PVT1: variants seen among roughly 807,000 people sequenced by gnomAD.
The protein encoded by PVT1 is Pvt1 oncogene.
At chr8:128,026,600 C>T (rs1646583230) in intron 4 of PVT1, among the ~76,000 whole-genome samples, 1 of 152,158 alleles carries the variant, frequency 6.6e-6, no homozygotes, top group South Asian at 2.1e-4. Context: ...CATTGGCTTA[C>T]GACCGAGATC....
At chr8:127,836,858 C>T (rs191970063) in intron 2 of PVT1, among the ~76,000 whole-genome samples, 1 of 152,218 alleles carries the variant, frequency 6.6e-6, no homozygotes, top group East Asian at 1.9e-4. Context: ...TGCACTGCAC[C>T]GAGAGGGGCT....
chr8:127,975,000 A>G (rs1055131536), intron 3 of PVT1, among the ~76,000 whole-genome samples: 1 of 152,220 alleles, frequency 6.6e-6, no homozygotes, highest in Non-Finnish European at 1.5e-5. Flanking sequence ...CAGCTTACAA[A>G]TGATCATTTT....
chr8:127,870,150 G>A (rs543138318), intron 2 of PVT1, among the ~76,000 whole-genome samples: 1 of 152,272 alleles, frequency 6.6e-6, no homozygotes, highest in Non-Finnish European at 1.5e-5. Flanking sequence ...ATATCATATT[G>A]GATTAGGGTG....
At position 127,967,973 on chromosome 8, in the gene PVT1, AAACGT is replaced by A. The variant is rs57724456; in HGVS notation, n.783-21187_783-21183del. 3.4e-3 allele frequency among the ~76,000 whole-genome samples: 519 copies of A among 152,324 alleles called. 6 individuals carry two copies. Among genetic ancestry groups the A allele is most frequent in the African/African-American group, 0.012 (490 of 41,560 alleles). The stretch of plus-strand genomic sequence containing the variant: ...GGCGCTTTGGGTTTGAAGGCTCCGG[AAACGT>A]ATGACTTTGGAGCACTCATTCCTAT... On this transcript the variant is annotated intron_variant and non_coding_transcript_variant, in intron 3 of 10. Transcript: ENST00000651587.
At position 128,045,087 on chromosome 8, in the gene PVT1, G is replaced by A. The variant is rs143609883; in HGVS notation, n.913-25073G>A. Among the ~76,000 whole-genome samples, 99 of 152,262 alleles carry A rather than the reference G, an allele frequency of 6.5e-4. 2 individuals carry two copies. The highest frequency in any genetic ancestry group is 6.8e-3 in the Middle Eastern group (2 of 294). On this transcript the variant is annotated intron_variant and non_coding_transcript_variant, in intron 4 of 10. Transcript: ENST00000651587. ...TTGTCAGATTCAGGTTTAGGACAAC[G>A]GTACAGTTGTTCCATTGTTCCCAGA...
At chr8:127,893,011 C>G (rs1461889028) in intron 3 of PVT1, among the ~76,000 whole-genome samples, 2 of 152,130 alleles carry the variant, frequency 1.3e-5, no homozygotes, top group East Asian at 3.9e-4. Context: ...TAGAACAACC[C>G]AATTGTGGTG....
At chr8:127,974,317 C>T (rs184711613) in intron 3 of PVT1, among the ~76,000 whole-genome samples, 147 of 152,262 alleles carry the variant, frequency 9.7e-4, no homozygotes, top group African/African-American at 3.3e-3. Flanking sequence ...TTCTCATATC[C>T]TGAATTCTAT....
intron 2 of PVT1, among the ~76,000 whole-genome samples, chr8:127,868,813 A>ATATACG (rs1250910716): frequency 6.9e-6 from 1 of 144,146 alleles, no homozygotes; most frequent in African/African-American, 2.6e-5. Flanking sequence ...GTACATATAT[A>ATATACG]TATATATGTA....
intron 5 of PVT1, among the ~76,000 whole-genome samples, chr8:128,088,505 G>A (rs1027798589): frequency 1.3e-5 from 2 of 152,210 alleles, no homozygotes; most frequent in Admixed American, 6.5e-5. Flanking sequence ...AGCACTGAGC[G>A]AGGTTCCCCA....
chr8:127,953,629 T>C (rs929063987), intron 3 of PVT1, among the ~76,000 whole-genome samples: 1 of 152,204 alleles, frequency 6.6e-6, no homozygotes, highest in African/African-American at 2.4e-5. Context: ...GGTAATTTGC[T>C]TCCATTTTAC....
At chr8:127,958,302 C>T (rs529869864) in intron 3 of PVT1, among the ~76,000 whole-genome samples, 22 of 151,748 alleles carry the variant, frequency 1.4e-4, no homozygotes, top group South Asian at 4.2e-4. Flanking sequence ...TGCAGTGGCG[C>T]GATATCCACT....
chr8:127,904,539 A>G (rs1018148709), intron 3 of PVT1, among the ~76,000 whole-genome samples: 1 of 152,146 alleles, frequency 6.6e-6, no homozygotes, highest in African/African-American at 2.4e-5. Context: ...TGGCCTCGTT[A>G]TACCTGCAGA....
chr8:127,864,403 T>G (rs923077192), intron 2 of PVT1, among the ~76,000 whole-genome samples: 3 of 152,144 alleles, frequency 2.0e-5, no homozygotes. Context: ...CGTCAGGGTT[T>G]GTGGGCAAGA....
chr8:127,924,101 A>G (rs1350312844), intron 3 of PVT1, among the ~76,000 whole-genome samples: 2 of 152,008 alleles, frequency 1.3e-5, no homozygotes, highest in Non-Finnish European at 1.5e-5. Flanking sequence ...CTTCCTTTCC[A>G]GGGGGATGTG....
chr8:127,983,876 ATTTTTTTTTT>A (rs33948305), intron 3 of PVT1: 1 of 121,022 alleles, frequency 8.3e-6, no homozygotes. Context: ...CTTGACTTTG[ATTTTTTTTTT>A]TTTTTTTTTT....
At chr8:127,858,451 A>AAAT (rs1815184570) in intron 2 of PVT1, among the ~76,000 whole-genome samples, 2 of 134,574 alleles carry the variant, frequency 1.5e-5, no homozygotes, top group African/African-American at 2.8e-5. Context: ...AATAAATAAA[A>AAAT]GATGGTCTTG....
intron 4 of PVT1, among the ~76,000 whole-genome samples, chr8:128,009,994 T>A (rs1817294554): frequency 6.6e-6 from 1 of 152,208 alleles, no homozygotes; most frequent in African/African-American, 2.4e-5. Context: ...AAGAATCTTT[T>A]GCTAAGAGTT....
chr8:128,062,187 C>T (rs1355631832), intron 4 of PVT1, among the ~76,000 whole-genome samples: 3 of 152,184 alleles, frequency 2.0e-5, no homozygotes, highest in African/African-American at 7.2e-5. Flanking sequence ...CTGCCCCCTG[C>T]GGTGCAGGGG....
intron 2 of PVT1, among the ~76,000 whole-genome samples, chr8:127,827,438 C>A (rs112466192): frequency 2.6e-5 from 4 of 152,170 alleles, no homozygotes; most frequent in African/African-American, 9.7e-5. Flanking sequence ...TGGTTCACCC[C>A]CTGGGGCTCC....
Sources: allele counts gnomAD v4.1 joint callset (sites outside exome capture counted in the v4.1 genomes callset), GRCh38; gene constraint gnomAD v4.1.1; transcripts MANE v1.5; gene names NCBI Gene and HGNC (gene_info 2026-07-23, HGNC 2026-07-21).